The following KDM2A variants were observed in gnomAD, a reference collection of about 807,000 sequenced individuals.
KDM2A encodes the protein lysine-specific demethylase 2A.
KDM2A carries 3 observed loss-of-function variants against 137.3 expected under a neutral mutation model. The observed-to-expected ratio is 0.02, with a 90% CI of 0.01 to 0.06. The LOEUF is 0.06. Ranked by LOEUF, KDM2A falls within the 10% of genes least tolerant of loss-of-function variation. KDM2A has a pLI of 1.00. For missense variants in KDM2A, 738 were observed against 1,510.6 expected (o/e 0.49, Z 8.48); for synonymous variants, 512 against 541.5 (o/e 0.95, Z 0.76).
chr11:67,133,637 A>T (rs111379155), intron 2 of KDM2A, among the ~76,000 whole-genome samples: 1 of 151,568 alleles, frequency 6.6e-6, no homozygotes, highest in African/African-American at 2.4e-5. Flanking sequence ...TCCTGACCTC[A>T]GGTGATCTGC....
chr11:67,228,117 C>T lies in KDM2A; in HGVS notation c.1038C>T (p.Asn346=), dbSNP rs759465822. ...AGCGCTATGTGTACTGCATAACCAACCGTTCCCACCTAACTAAGGAATTTC... is the reference window on the plus strand; with the variant it reads ...AGCGCTATGTGTACTGCATAACCAATCGTTCCCACCTAACTAAGGAATTTC... ...VLERYVYCIT[N]RSHLTKEFQK... is the part of the protein sequence containing the mutation. Residue 346 remains asparagine, a synonymous_variant, in exon 11 of 21, where the codon AAC becomes AAT. Transcript: ENST00000529006. The T allele has an allele frequency of 6.2e-7, 1 of 1,613,520 alleles. No homozygotes were observed. The highest frequency in any genetic ancestry group is 1.1e-5 in the South Asian group (1 of 91,072).
intron 13 of KDM2A, chr11:67,243,817 GAAAA>G (rs887287117): frequency 6.7e-6 from 1 of 149,876 alleles, no homozygotes; most frequent in Non-Finnish European, 1.5e-5. Flanking sequence ...CTGTCTCAAA[GAAAA>G]AAAAAGAAGA....
At position 67,252,678 on chromosome 11, in the gene KDM2A, TTCC is replaced by T. The variant is rs1859468598; in HGVS notation, c.2769-15_2769-13del. On this transcript the variant is annotated splice_polypyrimidine_tract_variant and intron_variant, in intron 17 of 20. Transcript: ENST00000529006. ...ATCAAGTTAATGAAGGCGAGTTCTCTTCCCTTCTATCACAGGTGCTGCGACAAG... is the reference window on the plus strand; with the variant it reads ...ATCAAGTTAATGAAGGCGAGTTCTCTCTTCTATCACAGGTGCTGCGACAAG... 1 of 1,613,814 alleles carries T rather than the reference TTCC, an allele frequency of 6.2e-7. No homozygotes were observed. Among genetic ancestry groups the T allele is most frequent in the Non-Finnish European group, 8.5e-7 (1 of 1,179,874 alleles).
At chr11:67,124,421 C>G (rs1338818972) in intron 2 of KDM2A, among the ~76,000 whole-genome samples, 1 of 152,086 alleles carries the variant, frequency 6.6e-6, no homozygotes, top group Non-Finnish European at 1.5e-5. Context: ...AAATGATTCT[C>G]CTGCCTCAGC....
At chr11:67,142,662 C>T (rs539403367) in intron 2 of KDM2A, among the ~76,000 whole-genome samples, 4 of 151,494 alleles carry the variant, frequency 2.6e-5, no homozygotes, top group African/African-American at 4.8e-5. Context: ...CGAGATTGCA[C>T]CATCGCACTC....
chr11:67,228,686 G>GA (rs139339570), intron 11 of KDM2A, among the ~76,000 whole-genome samples: 5,127 of 104,862 alleles, frequency 0.049, 318 homozygotes, highest in Admixed American at 0.2. Flanking sequence ...ACCCTGTTGC[G>GA]AAAAAAAAAA....
At chr11:67,146,033 C>T (rs2136300622) in intron 2 of KDM2A, among the ~76,000 whole-genome samples, 1 of 147,684 alleles carries the variant, frequency 6.8e-6, no homozygotes, top group East Asian at 2.0e-4. Flanking sequence ...ATCTCTGTTG[C>T]CAGGCTGGAG....
At chr11:67,138,714 G>A (rs564905134) in intron 2 of KDM2A, among the ~76,000 whole-genome samples, 2 of 152,294 alleles carry the variant, frequency 1.3e-5, no homozygotes, top group Non-Finnish European at 2.9e-5. Context: ...CTGGGAGGTG[G>A]AGGTTACAGC....
chr11:67,250,625 G>A lies in KDM2A; in HGVS notation c.2595G>A (p.Glu865=), dbSNP rs1205873281. The part of the protein sequence containing the change: ...GEEEEEEEEE[E]EDDSAEEGGA... ...AGGAGGAAGAGGAGGAGGAGGAGGAGGAAGATGACAGTGCAGAGGAGGGGG... is the reference window on the plus strand; with the variant it reads ...AGGAGGAAGAGGAGGAGGAGGAGGAAGAAGATGACAGTGCAGAGGAGGGGG... Residue 865 remains glutamate, a synonymous_variant, in exon 17 of 21, where the codon GAG becomes GAA. Transcript: ENST00000529006. This position sits in a 1 kb window ranked among gnomAD's most constrained non-coding sequence, Gnocchi z 7.1. The A allele has an allele frequency of 5.6e-6, 9 of 1,611,534 alleles. No homozygotes were observed. The highest frequency in any genetic ancestry group is 7.6e-6 in the Non-Finnish European group (9 of 1,178,416).
intron 9 of KDM2A, among the ~76,000 whole-genome samples, chr11:67,218,988 G>C (rs1858252106): frequency 6.6e-6 from 1 of 152,234 alleles, no homozygotes; most frequent in African/African-American, 2.4e-5. Context: ...GGACACCCCT[G>C]AATTGTAAAC....
At chr11:67,179,922 T>C (rs749318173) in intron 2 of KDM2A, among the ~76,000 whole-genome samples, 157 bp from the exon 3 acceptor site, 19 of 152,210 alleles carry the variant, frequency 1.2e-4, no homozygotes, top group Non-Finnish European at 2.4e-4. Flanking sequence ...ATTCTGAGAA[T>C]ATCAGCTATC....
At chr11:67,178,411 TAAAAA>T (rs1322216966) in intron 2 of KDM2A, among the ~76,000 whole-genome samples, 2 of 151,870 alleles carry the variant, frequency 1.3e-5, no homozygotes, top group East Asian at 1.9e-4. Flanking sequence ...TCTCAGAAAA[TAAAAA>T]ATAAAATAAA....
chr11:67,124,532 C>G (rs925772983), intron 2 of KDM2A, among the ~76,000 whole-genome samples: 1 of 144,142 alleles, frequency 6.9e-6, no homozygotes, highest in Non-Finnish European at 1.5e-5. Flanking sequence ...AGGCTGGTGT[C>G]GAACTCCTGA....
chr11:67,140,389 T>C (rs1856072580), intron 2 of KDM2A, among the ~76,000 whole-genome samples: 1 of 151,792 alleles, frequency 6.6e-6, no homozygotes, highest in Non-Finnish European at 1.5e-5. Context: ...CATGGTTTTA[T>C]ACAAAGAATA....
At chr11:67,226,058 T>G (rs1232839157) in intron 10 of KDM2A, among the ~76,000 whole-genome samples, 1 of 148,342 alleles carries the variant, frequency 6.7e-6, no homozygotes, top group African/African-American at 2.5e-5. Flanking sequence ...AGAACAAAAC[T>G]GTGTCAAAAA....
intron 12 of KDM2A, among the ~76,000 whole-genome samples, chr11:67,240,681 G>C (rs1432074882): frequency 6.6e-6 from 1 of 152,200 alleles, no homozygotes; most frequent in Non-Finnish European, 1.5e-5. Context: ...AGCCGAGATA[G>C]GCGTCAGCCT....
At chr11:67,121,078 A>T (rs73493534) in intron 1 of KDM2A, among the ~76,000 whole-genome samples, 156 bp from the exon 2 acceptor site, 56 of 152,290 alleles carry the variant, frequency 3.7e-4, no homozygotes, top group African/African-American at 1.2e-3. Flanking sequence ...CATGACATGG[A>T]ACCACTTGCC....
At chr11:67,165,465 TCTA>T (rs1856718632) in intron 2 of KDM2A, among the ~76,000 whole-genome samples, 1 of 152,150 alleles carries the variant, frequency 6.6e-6, no homozygotes, top group Non-Finnish European at 1.5e-5. Flanking sequence ...TTCTAAAGCT[TCTA>T]CTCCTAGATG....
At chr11:67,249,834 C>A (rs1227562315) in intron 16 of KDM2A, among the ~76,000 whole-genome samples, 1 of 152,106 alleles carries the variant, frequency 6.6e-6, no homozygotes, top group Non-Finnish European at 1.5e-5. Flanking sequence ...GTCAGAGACG[C>A]AATTAAAAAT....
Sources: gnomAD v4.1 joint callset for allele counts (sites outside exome capture counted in the v4.1 genomes callset) on GRCh38, gnomAD v4.1.1 for gene constraint, Gnocchi (gnomAD v3.1) non-coding constraint, MANE v1.5 for transcripts, NCBI Gene and HGNC (gene_info 2026-07-23, HGNC 2026-07-21) for gene names.